Variants in TENM4 observed in about 807,000 individuals in gnomAD.
TENM4 encodes the protein teneurin-4.
Under a neutral mutation model 243.3 loss-of-function variants are expected in TENM4, and 82 were observed. The observed-to-expected ratio is 0.34, with a 90% CI of 0.28 to 0.40. TENM4 has a LOEUF of 0.40. Ranked by LOEUF, TENM4 falls within the 10% of genes least tolerant of loss-of-function variation. TENM4 has a pLI of 1.00. For missense variants in TENM4, 3,138 were observed against 3,673.3 expected (o/e 0.85, Z 3.77); for synonymous variants, 1,412 against 1,456.3 (o/e 0.97, Z 0.69).
intron 3 of TENM4, among the ~76,000 whole-genome samples, chr11:79,197,983 C>T (rs1053605856): frequency 6.6e-6 from 1 of 152,206 alleles, no homozygotes; most frequent in Non-Finnish European, 1.5e-5. Context: ...TACCTGGCCT[C>T]TCCCACTCCT....
chr11:78,671,950 C>A, intron 31 of TENM4, 83 bp downstream of exon 31: 1 of 1,494,116 alleles, frequency 6.7e-7, no homozygotes, highest in South Asian at 1.3e-5. Context: ...ATACAGCCCA[C>A]TGAGGCCACC....
At chr11:78,871,035 C>T (rs111981011) in intron 9 of TENM4, among the ~76,000 whole-genome samples, 85 of 152,276 alleles carry the variant, frequency 5.6e-4, no homozygotes, top group African/African-American at 2.0e-3. Context: ...TTGGACTCAC[C>T]TCAGCCCAGT....
intron 18 of TENM4, among the ~76,000 whole-genome samples, chr11:78,765,587 G>A (rs1856525312): frequency 6.6e-6 from 1 of 152,232 alleles, no homozygotes; most frequent in African/African-American, 2.4e-5. Context: ...TTTATCAGAA[G>A]AGGACTGGTT....
At chr11:79,401,988 G>A in intron 1 of TENM4, 4 of 380,610 alleles carry the variant, frequency 1.1e-5, no homozygotes, top group East Asian at 6.8e-5. Flanking sequence ...CAGGGAGGGT[G>A]TGCAGGGTGA....
At chr11:79,054,575 T>A (rs1859892395) in intron 6 of TENM4, among the ~76,000 whole-genome samples, 1 of 151,914 alleles carries the variant, frequency 6.6e-6, no homozygotes, top group Non-Finnish European at 1.5e-5. Context: ...CATAGCTCAC[T>A]GCAGCCTCGA....
rs575876772 is a variant in TENM4, at chr11:78,836,866, A to C, written c.1681+17238T>G. Among the ~76,000 whole-genome samples the C allele has an allele frequency of 9.8e-4, 150 of 152,314 alleles. 1 individual carries two copies. Among genetic ancestry groups the C allele is most frequent in the African/African-American group, 3.3e-3 (136 of 41,556 alleles). On this transcript the variant is annotated intron_variant, in intron 12 of 33. Coordinates refer to ENST00000278550, the MANE Select transcript of TENM4 (RefSeq NM_001098816.3). ...AAAGCAAACAACATTGGAAATATTT[A>C]AAATATTTATATGCATACAGGTGTG...
intron 2 of TENM4, among the ~76,000 whole-genome samples, chr11:79,240,141 T>C (rs564665800): frequency 3.9e-5 from 6 of 152,198 alleles, no homozygotes. Flanking sequence ...GGCTTTAGCT[T>C]AGTTTCCTTG....
intron 6 of TENM4, among the ~76,000 whole-genome samples, chr11:79,048,214 T>A (rs1859704950): frequency 6.6e-6 from 1 of 152,140 alleles, no homozygotes; most frequent in Non-Finnish European, 1.5e-5. Flanking sequence ...CTGACTGTAA[T>A]GGATCAAGAC....
intron 19 of TENM4, among the ~76,000 whole-genome samples, chr11:78,741,457 C>T (rs1855928265): frequency 6.6e-6 from 1 of 152,136 alleles, no homozygotes. Context: ...AGGAGGATGC[C>T]ATTATGCGGT....
At chr11:78,952,536 A>C (rs1266761765) in intron 6 of TENM4, among the ~76,000 whole-genome samples, 1 of 152,236 alleles carries the variant, frequency 6.6e-6, no homozygotes, top group Non-Finnish European at 1.5e-5. Context: ...GAAAGGAGAC[A>C]TAGTAGGAAT....
intron 2 of TENM4, among the ~76,000 whole-genome samples, chr11:79,278,807 G>A (rs556423768): frequency 6.6e-6 from 1 of 152,258 alleles, no homozygotes; most frequent in South Asian, 2.1e-4. Flanking sequence ...GTGCACGAGG[G>A]ACAGACAAGC....
chr11:79,138,311 T>TTA (rs1324975719), intron 4 of TENM4, among the ~76,000 whole-genome samples: 1,963 of 96,052 alleles, frequency 0.02, 30 homozygotes, highest in African/African-American at 0.046. Context: ...AAACTCCCCT[T>TTA]TATATATATA....
chr11:79,199,708 C>T (rs971727061), intron 3 of TENM4, among the ~76,000 whole-genome samples: 4 of 152,190 alleles, frequency 2.6e-5, no homozygotes, highest in African/African-American at 9.7e-5. Flanking sequence ...ATCCACAATT[C>T]TACTCATCTG....
intron 2 of TENM4, among the ~76,000 whole-genome samples, chr11:79,285,572 A>G (rs1856235589): frequency 6.6e-6 from 1 of 152,200 alleles, no homozygotes; most frequent in African/African-American, 2.4e-5. Flanking sequence ...TCATAGCATC[A>G]TTATTCATAA....
In TENM4 at chr11:78,729,425, G is replaced by A; in HGVS notation, c.3357C>T (p.Asp1119=). The change falls in exon 22 of 34, where the codon GAC becomes GAT. Residue 1119 remains aspartate, a synonymous_variant. Coordinates refer to ENST00000278550, the MANE Select transcript of TENM4 (RefSeq NM_001098816.3). The stretch of plus-strand genomic sequence containing the variant: ...CCTTCTGGTTGTAGACGTCTGTCTT[G>A]TCCCAAATGAAATAATAGGACAGGT... ...APDLSYYFIW[D]KTDVYNQKVF... 2 of 1,594,862 alleles carry A rather than the reference G, an allele frequency of 1.3e-6. No homozygotes were observed. The highest frequency in any genetic ancestry group is 2.3e-5 in the South Asian group (2 of 88,628).
chr11:79,145,291 T>G (rs1427857868), intron 4 of TENM4, among the ~76,000 whole-genome samples: 1 of 152,008 alleles, frequency 6.6e-6, no homozygotes, highest in Non-Finnish European at 1.5e-5. Context: ...ATGAATAGAT[T>G]GATGCATTTC....
At chr11:78,755,903 C>T (rs1305903832) in intron 19 of TENM4, among the ~76,000 whole-genome samples, 1 of 152,170 alleles carries the variant, frequency 6.6e-6, no homozygotes, top group Admixed American at 6.5e-5. Flanking sequence ...ACCACACTGA[C>T]TTTTAGAGAA....
rs148722422 is a variant in TENM4, at chr11:78,953,127, G to A, written c.494-49604C>T. On this transcript the variant is annotated intron_variant, in intron 6 of 33. Coordinates refer to ENST00000278550, the MANE Select transcript of TENM4 (RefSeq NM_001098816.3). ...GACCAGAAGGAAAAAGCATCACAGC[G>A]TTTCATCTGGTACCAAACATCAGCA... Among the ~76,000 whole-genome samples, 315 of 152,250 alleles carry A rather than the reference G, an allele frequency of 2.1e-3. 2 individuals carry two copies. Among genetic ancestry groups the A allele is most frequent in the Middle Eastern group, 6.8e-3 (2 of 294 alleles).
intron 1 of TENM4, among the ~76,000 whole-genome samples, chr11:79,346,237 G>A (rs528729840): frequency 9.9e-5 from 15 of 152,238 alleles, no homozygotes; most frequent in African/African-American, 3.4e-4. Flanking sequence ...GTTGATTCAG[G>A]TGCTAAGAGT....
Sources: allele counts gnomAD v4.1 joint callset (sites outside exome capture counted in the v4.1 genomes callset), GRCh38; gene constraint gnomAD v4.1.1; transcripts MANE v1.5; gene names NCBI Gene and HGNC (gene_info 2026-07-23, HGNC 2026-07-21).